Variants in AFF3 observed in about 807,000 individuals in gnomAD.
The protein encoded by AFF3 is AF4/FMR2 family member 3.
Under a neutral mutation model 129.7 loss-of-function variants are expected in AFF3, and 32 were observed. The ratio of observed to expected loss-of-function variants is 0.25; its 90% CI spans 0.19 to 0.33. The LOEUF is 0.33. AFF3 is among the 10% of genes least tolerant of loss of function. The pLI is 1.00. For missense variants in AFF3, 1,373 were observed against 1,592.0 expected (o/e 0.86, Z 2.34); for synonymous variants, 644 against 635.4 (o/e 1.01, Z -0.20).
At chr2:100,084,374 C>G (rs1158969809) in intron 4 of AFF3, among the ~76,000 whole-genome samples, 1 of 152,224 alleles carries the variant, frequency 6.6e-6, no homozygotes, top group Non-Finnish European at 1.5e-5. Flanking sequence ...TTCTTTTCCA[C>G]TATTCACAAT....
At chr2:100,126,467 G>A (rs937633942) in intron 2 of AFF3, among the ~76,000 whole-genome samples, 6 of 152,152 alleles carry the variant, frequency 3.9e-5, no homozygotes, top group Admixed American at 6.5e-5. Flanking sequence ...AATGCTGCAC[G>A]GGGATTAGGC....
chr2:99,917,755 T>C (rs543433747), intron 7 of AFF3, among the ~76,000 whole-genome samples: 1 of 152,202 alleles, frequency 6.6e-6, no homozygotes, highest in East Asian at 1.9e-4. Context: ...GTAGCCAGAA[T>C]TCTACACAAC....
chr2:99,578,440 G>A lies in AFF3; in HGVS notation c.2805C>T (p.His935=). ...PHGGDLTKAA[H]NNSENIPLHK... ...GGAGGGGAATGTTTTCAGAATTGTTGTGAGCTGCTTTCTAAACAACAAACA... is the reference window on the plus strand; with the variant it reads ...GGAGGGGAATGTTTTCAGAATTGTTATGAGCTGCTTTCTAAACAACAAACA... The change falls in exon 18 of 25, where the codon CAC becomes CAT. Residue 935 remains histidine, a synonymous_variant. Transcript: ENST00000672756. The A allele has an allele frequency of 6.2e-7, 1 of 1,610,618 alleles. No homozygotes were observed. Among genetic ancestry groups the A allele is most frequent in the Non-Finnish European group, 8.5e-7 (1 of 1,178,800 alleles).
At chr2:99,893,372 G>C (rs572045587) in intron 7 of AFF3, among the ~76,000 whole-genome samples, 1 of 152,332 alleles carries the variant, frequency 6.6e-6, no homozygotes, top group Admixed American at 6.5e-5. Context: ...CAGCACTGTG[G>C]ACTCAATGCA....
At chr2:99,956,302 T>C (rs1178663941) in intron 7 of AFF3, among the ~76,000 whole-genome samples, 2 of 152,154 alleles carry the variant, frequency 1.3e-5, no homozygotes, top group African/African-American at 4.8e-5. Context: ...AAGACACTAT[T>C]AGCAAGCACT....
intron 13 of AFF3, among the ~76,000 whole-genome samples, chr2:99,635,964 T>G (rs1683614089): frequency 6.6e-6 from 1 of 152,180 alleles, no homozygotes; most frequent in Admixed American, 6.5e-5. Context: ...AGGGGCAGGT[T>G]ATCATCTGGC....
chr2:100,033,233 A>C lies in AFF3; in HGVS notation c.54-24301T>G, dbSNP rs562687227. On this transcript the variant is annotated intron_variant, in intron 4 of 24. Coordinates refer to ENST00000672756, the MANE Select transcript of AFF3 (RefSeq NM_001386135.1). ...GAGCCTTCACCCCCATCAACACATT[A>C]CAAACATACAGGGTTAGCAAGAAAT... Among the ~76,000 whole-genome samples the C allele has an allele frequency of 3.6e-4, 55 of 152,354 alleles. 1 individual carries two copies. The highest frequency in any genetic ancestry group is 5.9e-5 in the Non-Finnish European group (4 of 68,034).
At position 99,980,459 on chromosome 2, in the gene AFF3, C is replaced by G. The variant is rs1474538933; in HGVS notation, c.873+26173G>C. Among the ~76,000 whole-genome samples the G allele has an allele frequency of 2.0e-5, 3 of 152,214 alleles. 1 individual carries two copies. The highest frequency in any genetic ancestry group is 4.4e-5 in the Non-Finnish European group (3 of 68,040). On this transcript the variant is annotated intron_variant, in intron 7 of 24. Transcript: ENST00000672756. ...TGAAGAAAGGCAATGATTTCTCTTTCCCAATATGTGGCAATTTTCAGATGT... is the reference window on the plus strand; with the variant it reads ...TGAAGAAAGGCAATGATTTCTCTTTGCCAATATGTGGCAATTTTCAGATGT...
chr2:99,621,983 G>A (rs1682067750), intron 13 of AFF3, among the ~76,000 whole-genome samples: 1 of 152,212 alleles, frequency 6.6e-6, no homozygotes, highest in Non-Finnish European at 1.5e-5. Flanking sequence ...CTTCTATTTA[G>A]ATATGTGGGT....
chr2:99,950,425 G>A (rs1676040305), intron 7 of AFF3, among the ~76,000 whole-genome samples: 1 of 152,074 alleles, frequency 6.6e-6, no homozygotes, highest in Non-Finnish European at 1.5e-5. Flanking sequence ...AAAAATACAT[G>A]GGTTGAATCT....
chr2:99,601,763 A>C, intron 13 of AFF3, 142 bp from the exon 14 acceptor site: 2 of 1,002,658 alleles, frequency 2.0e-6, no homozygotes, highest in Non-Finnish European at 2.8e-6. Context: ...CTGGAACTCA[A>C]AGAGCAGGCA....
intron 13 of AFF3, among the ~76,000 whole-genome samples, chr2:99,633,171 T>C (rs1455754479): frequency 2.6e-5 from 4 of 151,918 alleles, no homozygotes; most frequent in Non-Finnish European, 5.9e-5. Flanking sequence ...ACTTGACAGA[T>C]GGGAAAAAAG....
intron 7 of AFF3, among the ~76,000 whole-genome samples, chr2:99,860,133 G>A (rs1008963225): frequency 7.2e-5 from 11 of 151,980 alleles, no homozygotes; most frequent in Admixed American, 2.0e-4. Flanking sequence ...ATATTTAATT[G>A]TGGCTGGGCA....
chr2:99,667,850 C>T (rs1686809450), intron 12 of AFF3, among the ~76,000 whole-genome samples: 1 of 152,038 alleles, frequency 6.6e-6, no homozygotes, highest in African/African-American at 2.4e-5. Context: ...CTGAGTAGCT[C>T]TATAACTATT....
chr2:99,602,748 G>A (rs1055457867), intron 13 of AFF3, among the ~76,000 whole-genome samples: 3 of 152,226 alleles, frequency 2.0e-5, no homozygotes, highest in South Asian at 4.2e-4. Flanking sequence ...GGGGGTTTAC[G>A]GTCTCAAGTG....
intron 4 of AFF3, among the ~76,000 whole-genome samples, chr2:100,017,142 CA>C (rs1350686043): frequency 1.3e-5 from 2 of 152,024 alleles, no homozygotes; most frequent in East Asian, 3.9e-4. Flanking sequence ...AAACAGTCAA[CA>C]GTGCATATAA....
At chr2:99,848,692 TAA>T (rs756173339) in intron 7 of AFF3, among the ~76,000 whole-genome samples, 4 of 152,220 alleles carry the variant, frequency 2.6e-5, no homozygotes, top group Non-Finnish European at 5.9e-5. Flanking sequence ...GCAGTCAAAT[TAA>T]GTCAGTAAGT....
chr2:100,064,887 G>A (rs1214613372), intron 4 of AFF3, among the ~76,000 whole-genome samples: 4 of 152,162 alleles, frequency 2.6e-5, no homozygotes, highest in African/African-American at 9.7e-5. Flanking sequence ...ATATACATCA[G>A]CTAGCCAGAA....
At chr2:99,637,708 TA>T (rs1331902042) in intron 13 of AFF3, among the ~76,000 whole-genome samples, 10 of 152,150 alleles carry the variant, frequency 6.6e-5, no homozygotes, top group Non-Finnish European at 1.5e-4. Flanking sequence ...ATAGATATTT[TA>T]AAAAAAGAAG....
Sources: gnomAD v4.1 joint callset for allele counts (sites outside exome capture counted in the v4.1 genomes callset) on GRCh38, gnomAD v4.1.1 for gene constraint, MANE v1.5 for transcripts, NCBI Gene and HGNC (gene_info 2026-07-23, HGNC 2026-07-21) for gene names.